The following FHIT variants were observed in gnomAD, a reference collection of about 807,000 sequenced individuals.
The protein encoded by FHIT is bis(5'-adenosyl)-triphosphatase.
FHIT carries 19 observed loss-of-function variants against 17.9 expected under a neutral mutation model. The ratio of observed to expected loss-of-function variants is 1.06; its 90% CI spans 0.74 to 1.56. The LOEUF (loss-of-function observed/expected upper bound fraction) is 1.56, where lower values mean the gene tolerates loss of function less well. FHIT is among the 40% of genes most tolerant of loss of function. The pLI, the probability that FHIT is intolerant of heterozygous loss-of-function variation, is 0.00. For missense variants in FHIT, 248 were observed against 189.2 expected (o/e 1.31, Z -1.82); for synonymous variants, 81 against 69.7 (o/e 1.16, Z -0.81).
At chr3:60,449,159 C>T (rs913360756) in intron 5 of FHIT, among the ~76,000 whole-genome samples, 1 of 152,138 alleles carries the variant, frequency 6.6e-6, no homozygotes. Flanking sequence ...GGGAAAAACT[C>T]GCTTTGATTG....
At chr3:59,986,524 T>TTTATATTTATACATTTATATAA (rs1559523520) in intron 7 of FHIT, among the ~76,000 whole-genome samples, 11 of 4,056 alleles carry the variant, frequency 2.7e-3, no homozygotes, top group African/African-American at 4.6e-3. Flanking sequence ...TATATATATA[T>TTTATATTTATACATTTATATAA]ATATATATAT....
At chr3:60,610,742 T>C (rs1360698319) in intron 4 of FHIT, among the ~76,000 whole-genome samples, 1 of 152,206 alleles carries the variant, frequency 6.6e-6, no homozygotes, top group Non-Finnish European at 1.5e-5. Context: ...TGCACATTTT[T>C]AAGATGTAAT....
chr3:60,609,956 T>C lies in FHIT; in HGVS notation c.-17-72977A>G, dbSNP rs143290242. On this transcript the variant is annotated intron_variant, in intron 4 of 9. Coordinates refer to ENST00000492590, the MANE Select transcript of FHIT (RefSeq NM_002012.4). ...ATACATTGTTCTACACTGATTTTAATTGGTGCTATAATCTGATCTGTCTCT... is the reference window on the plus strand; with the variant it reads ...ATACATTGTTCTACACTGATTTTAACTGGTGCTATAATCTGATCTGTCTCT... Among the ~76,000 whole-genome samples, 1,158 of 152,358 alleles carry C rather than the reference T, an allele frequency of 7.6e-3. 15 individuals carry two copies. The highest frequency in any genetic ancestry group is 0.026 in the African/African-American group (1,070 of 41,578).
intron 3 of FHIT, among the ~76,000 whole-genome samples, chr3:60,846,645 CTCT>C (rs1702935198): frequency 6.6e-6 from 1 of 152,124 alleles, no homozygotes; most frequent in African/African-American, 2.4e-5. Flanking sequence ...TTCAAACAAC[CTCT>C]TCTTTAAGAA....
At position 60,018,455 on chromosome 3, in the gene FHIT, T is replaced by G. The variant is rs545632267; in HGVS notation, c.104-4303A>C. 5.3e-5 allele frequency among the ~76,000 whole-genome samples: 8 copies of G among 152,294 alleles called. No homozygotes were observed. In the South Asian group the frequency reaches 1.7e-3, roughly 32 times the overall value. On this transcript the variant is annotated intron_variant, in intron 5 of 9. Coordinates refer to ENST00000492590, the MANE Select transcript of FHIT (RefSeq NM_002012.4). ...TTAGGCCTTAAGTGACCTTGAAACC[T>G]CTGATTATTGCTCTCTTGGAAGCCT...
chr3:61,030,249 C>T (rs1225495853), intron 3 of FHIT, among the ~76,000 whole-genome samples: 2 of 152,166 alleles, frequency 1.3e-5, no homozygotes, highest in African/African-American at 2.4e-5. Context: ...GGATTACAGG[C>T]GTGAGCCACC....
At chr3:61,250,295 G>C (rs1246461272) in intron 1 of FHIT, among the ~76,000 whole-genome samples, 1 of 152,232 alleles carries the variant, frequency 6.6e-6, no homozygotes, top group Non-Finnish European at 1.5e-5. Context: ...AGGTAGATCC[G>C]GCTTAACATC....
intron 3 of FHIT, among the ~76,000 whole-genome samples, chr3:60,838,068 C>T (rs1031017361): frequency 1.3e-5 from 2 of 152,166 alleles, no homozygotes; most frequent in South Asian, 4.1e-4. Context: ...TTGAAGAGAT[C>T]CATTTTTAAT....
At chr3:59,797,189 A>ATT (rs201641033) in intron 8 of FHIT, among the ~76,000 whole-genome samples, 7,239 of 145,102 alleles carry the variant, frequency 0.05, 538 homozygotes, top group African/African-American at 0.16. Context: ...TGATATTACA[A>ATT]TTTTTTTTTT....
chr3:60,666,705 A>G (rs1553692538), intron 4 of FHIT, among the ~76,000 whole-genome samples: 1 of 152,046 alleles, frequency 6.6e-6, no homozygotes, highest in Non-Finnish European at 1.5e-5. Flanking sequence ...ATCTCCCTCT[A>G]TCACCCAGGC....
chr3:60,231,338 T>C (rs552489219), intron 5 of FHIT, among the ~76,000 whole-genome samples: 5 of 152,292 alleles, frequency 3.3e-5, no homozygotes, highest in African/African-American at 9.6e-5. Flanking sequence ...CATATACATA[T>C]AAATTCAATT....
At chr3:61,038,080 G>T (rs2033341684) in intron 3 of FHIT, among the ~76,000 whole-genome samples, 1 of 152,100 alleles carries the variant, frequency 6.6e-6, no homozygotes, top group Non-Finnish European at 1.5e-5. Flanking sequence ...TGACATAATT[G>T]ATTTAAGTAA....
intron 5 of FHIT, among the ~76,000 whole-genome samples, chr3:60,351,379 T>C (rs1699386585): frequency 6.6e-6 from 1 of 152,164 alleles, no homozygotes; most frequent in African/African-American, 2.4e-5. Flanking sequence ...AGTTCTACAG[T>C]TGATGGGCAT....
At chr3:60,870,041 T>C (rs1202592330) in intron 3 of FHIT, among the ~76,000 whole-genome samples, 2 of 152,150 alleles carry the variant, frequency 1.3e-5, no homozygotes, top group Non-Finnish European at 2.9e-5. Flanking sequence ...CTAGAAATAA[T>C]CCACCATAGT....
At chr3:60,948,467 T>C (rs1456588629) in intron 3 of FHIT, among the ~76,000 whole-genome samples, 2 of 152,146 alleles carry the variant, frequency 1.3e-5, no homozygotes, top group African/African-American at 4.8e-5. Context: ...TTGATCAACA[T>C]GAAAACTAAA....
intron 2 of FHIT, among the ~76,000 whole-genome samples, chr3:61,180,793 T>C (rs1438898807): frequency 6.6e-6 from 1 of 152,148 alleles, no homozygotes; most frequent in Non-Finnish European, 1.5e-5. Flanking sequence ...TTAACAGATA[T>C]ATATGTATAT....
intron 4 of FHIT, among the ~76,000 whole-genome samples, chr3:60,797,814 T>A (rs1701037428): frequency 6.6e-6 from 1 of 151,876 alleles, no homozygotes; most frequent in Admixed American, 6.6e-5. Flanking sequence ...ATGTTTGATT[T>A]AAATGTTTTT....
At chr3:60,013,152 T>A (rs956494286) in intron 6 of FHIT, among the ~76,000 whole-genome samples, 1 of 152,214 alleles carries the variant, frequency 6.6e-6, no homozygotes, top group African/African-American at 2.4e-5. Flanking sequence ...AGAGCCTTCA[T>A]AACCTGAAAA....
intron 5 of FHIT, among the ~76,000 whole-genome samples, chr3:60,089,124 TAATTCCACAC>T (rs923518354): frequency 6.6e-5 from 10 of 152,196 alleles, no homozygotes; most frequent in African/African-American, 2.2e-4. Context: ...GCTAGCTGCA[TAATTCCACAC>T]GGTTCCACAG....
Sources: gnomAD v4.1 joint callset for allele counts (sites outside exome capture counted in the v4.1 genomes callset) on GRCh38, gnomAD v4.1.1 for gene constraint, MANE v1.5 for transcripts, NCBI Gene and HGNC (gene_info 2026-07-23, HGNC 2026-07-21) for gene names.